RNF31: variants seen among roughly 807,000 people sequenced by gnomAD.
RNF31 encodes E3 ubiquitin-protein ligase RNF31.
A neutral mutation model predicts 133.6 loss-of-function variants in RNF31; 38 were observed. The observed-to-expected ratio is 0.28, with a 90% CI of 0.22 to 0.37. The LOEUF is 0.37. Ranked by LOEUF, RNF31 falls within the 10% of genes least tolerant of loss-of-function variation. RNF31 has a pLI of 1.00. For synonymous variants in RNF31, 582 were observed against 552.3 expected (o/e 1.05, Z -0.75); for missense variants, 1,118 against 1,394.1 (o/e 0.80, Z 3.15).
chr14:24,157,899 A>C lies in RNF31; in HGVS notation c.2729A>C (p.Lys910Thr). The C allele has an allele frequency of 6.2e-7, 1 of 1,613,564 alleles. No homozygotes were observed. The highest frequency in any genetic ancestry group is 8.5e-7 in the Non-Finnish European group (1 of 1,179,846). The change falls in exon 17 of 21, where the codon AAA becomes ACA. Residue 910 changes from lysine (K) to threonine (T), a missense_variant and splice_region_variant. Physicochemically the swap from Lys to Thr is moderately conservative, Grantham distance 78. This residue lies in a region of RNF31 where 201 missense variants were observed against 371.7 expected (regional missense o/e 0.54). Transcript: ENST00000324103. ...CTCTCCCATCTGGGTTTCTGCCAGA[A>C]ATGTCCAGAGCCTAACTGCAGGGTG... ...GCYNAFYAKNKCPEPNCRVKK... is the reference protein window; with the variant it reads ...GCYNAFYAKNTCPEPNCRVKK...
Position 24,148,852 on chromosome 14 carries a change from C to G in RNF31, c.607C>G (p.Pro203Ala). Residue 203 changes from proline to alanine, a missense_variant, in exon 5 of 21, where the codon CCC becomes GCC. This residue lies in a region of RNF31 where 747 missense variants were observed against 827.9 expected (regional missense o/e 0.90). Transcript: ENST00000324103. ...CCTATTGAGAGAGATTGCTCCTGGC[C>G]CCCTCACCACACCCTCTGTCCCAGG... ...DPLLREIAPG[P>A]LTTPSVPGST... The G allele has an allele frequency of 6.2e-7, 1 of 1,614,132 alleles. No individual in the cohort carries two copies. The highest frequency in any genetic ancestry group is 8.5e-7 in the Non-Finnish European group (1 of 1,179,986).
rs1319451727 is a variant in RNF31 at position 24,154,034 on chromosome 14, C to T, written c.2131-1123C>T. Among the ~76,000 whole-genome samples, 5 of 152,248 alleles carry T rather than the reference C, an allele frequency of 3.3e-5. No individual in the cohort carries two copies. The East Asian group carries it at 5.8e-4, about 18-fold the overall frequency. ...TTTTTGAGACGGAGTCTCGCTCTGT[C>T]GCCCTGGCTGGAGCGCAGTCGCGCA... On this transcript the variant is annotated intron_variant, in intron 11 of 20. Transcript: ENST00000324103.
chr14:24,151,471 C>A lies in RNF31; in HGVS notation c.1738-14C>A. 6.2e-7 allele frequency: 1 copy of A among 1,613,940 alleles called. No individual in the cohort carries two copies. Among genetic ancestry groups the A allele is most frequent in the Non-Finnish European group, 8.5e-7 (1 of 1,179,792 alleles). Reference sequence around the variant, plus strand: ...TTTCCCACTTCATTCCCCCTTGCCACTCCCATCTTGCAGGTGCAGGAGCTC... The same window carrying A: ...TTTCCCACTTCATTCCCCCTTGCCAATCCCATCTTGCAGGTGCAGGAGCTC... On this transcript the variant is annotated splice_polypyrimidine_tract_variant and intron_variant, in intron 9 of 20. Transcript: ENST00000324103. This position sits in a 1 kb window ranked among gnomAD's most constrained non-coding sequence, Gnocchi z 5.3.
In RNF31 at chr14:24,155,741, T is replaced by C. The variant is rs370944812; in HGVS notation, c.2493+49T>C. ...AAATACTTGCTGAGCTACTGCCAGGTACTGTGTTAGACTCAGGGGAGTTTG... is the reference window on the plus strand; with the variant it reads ...AAATACTTGCTGAGCTACTGCCAGGCACTGTGTTAGACTCAGGGGAGTTTG... On this transcript the variant is annotated intron_variant, in intron 14 of 20. Transcript: ENST00000324103. The surrounding 1 kb of genome is among the most constrained non-coding windows in gnomAD (Gnocchi z 4.9). 2 of 1,534,824 alleles carry C rather than the reference T, an allele frequency of 1.3e-6. No individual in the cohort carries two copies. Among genetic ancestry groups the C allele is most frequent in the African/African-American group, 2.7e-5 (2 of 73,456 alleles).
At position 24,151,815 on chromosome 14, in the gene RNF31, C is replaced by CCAAAGG; in HGVS notation, c.1953_1954insCAAAGG (p.Tyr651_Ala652insGlnArg). On this transcript the variant is annotated inframe_insertion, in exon 11 of 21. Coordinates refer to ENST00000324103, the MANE Select transcript of RNF31 (RefSeq NM_017999.5). This position sits in a 1 kb window ranked among gnomAD's most constrained non-coding sequence, Gnocchi z 5.3. ...TGGTCAGGCGGCTTTTGGCAGTCTA[C>CCAAAGG]GCACTCCCCAGCTGGGGCCGGGCAG... is the stretch of plus-strand genomic sequence containing the variant. The CCAAAGG allele has an allele frequency of 6.2e-7, 1 of 1,612,974 alleles. No individual in the cohort carries two copies.
Position 24,150,366 on chromosome 14 carries a change from T to C in RNF31, c.1115T>C (p.Ile372Thr). 2 of 1,614,000 alleles carry C rather than the reference T, an allele frequency of 1.2e-6. No individual in the cohort carries two copies. The change falls in exon 7 of 21, where the codon ATA becomes ACA. Residue 372 changes from isoleucine (I) to threonine (T), a missense_variant. Around this residue, in one of 3 missense-constraint regions of RNF31, gnomAD observed 747 missense variants for 827.9 expected, o/e 0.90. Transcript: ENST00000324103. ...GAGGCAGCTGCTGTGCTATGTTCCA[T>C]ATGTGAGCGACCTCGGCTGGCCCAG... ...ENEAAAVLCS[I>T]CERPRLAQPP... is the part of the protein sequence containing the mutation.
Position 24,151,861 on chromosome 14 carries a change from C to T in RNF31, c.1999C>T (p.Gln667Ter). 1.9e-6 allele frequency: 3 copies of T among 1,614,162 alleles called. No individual in the cohort carries two copies. The highest frequency in any genetic ancestry group is 2.5e-6 in the Non-Finnish European group (3 of 1,180,030). ...GGCAGAGCTGGCACTGTCACTGCTGCAGGAGACACCCAGGAACTATGAGTT... is the reference window on the plus strand; with the variant it reads ...GGCAGAGCTGGCACTGTCACTGCTGTAGGAGACACCCAGGAACTATGAGTT... Reference protein sequence around the residue: ...GRAELALSLLQETPRNYELGD... With the variant: ...GRAELALSLL Residue 667 changes from glutamine (Q) to a stop codon, truncating the protein, a stop_gained, in exon 11 of 21, where the codon CAG becomes TAG. Transcript: ENST00000324103. LOFTEE classifies it high-confidence loss of function. The surrounding 1 kb of genome is among the most constrained non-coding windows in gnomAD (Gnocchi z 5.3).
At chr14:24,159,454 C>T (rs2038407441) in intron 18 of RNF31, among the ~76,000 whole-genome samples, 1 of 151,512 alleles carries the variant, frequency 6.6e-6, no homozygotes, top group Non-Finnish European at 1.5e-5. Context: ...AAGAGGATTA[C>T]TTGAGCCCAG....
intron 11 of RNF31, among the ~76,000 whole-genome samples, chr14:24,152,238 A>AC (rs138921341): frequency 6.6e-6 from 1 of 151,338 alleles, no homozygotes; most frequent in African/African-American, 2.4e-5. Flanking sequence ...AAATTCCCAT[A>AC]CCCCCCTGCA....
chr14:24,154,609 C>T (rs994928244), intron 11 of RNF31, among the ~76,000 whole-genome samples: 20 of 152,170 alleles, frequency 1.3e-4, no homozygotes, highest in African/African-American at 4.8e-4. Flanking sequence ...AGTTATAGTA[C>T]AATATCAAGA....
At position 24,150,884 on chromosome 14, in the gene RNF31, TC is replaced by T; in HGVS notation, c.1486del (p.Arg496GlyfsTer78). Reference protein sequence around the residue: ...REEGLQLVSMIREGEAAGACP... With the variant: ...REEGLQLVSMXREGEAAGACP... ...GAAGGCCTCCAGCTAGTGAGCATGA[TC>T]CGGGTAAGGACTGGGCCTGCGATGA... is the stretch of plus-strand genomic sequence containing the variant. On this transcript the variant is annotated frameshift_variant, in exon 8 of 21. Coordinates refer to ENST00000324103, the MANE Select transcript of RNF31 (RefSeq NM_017999.5). LOFTEE classifies it high-confidence loss of function. 6.4e-7 allele frequency: 1 copy of T among 1,554,896 alleles called. No individual in the cohort carries two copies. Among genetic ancestry groups the T allele is most frequent in the Non-Finnish European group, 8.7e-7 (1 of 1,149,560 alleles).
At chr14:24,147,953 C>T (rs1033380129) in intron 1 of RNF31, 23 bp from the exon 2 acceptor site, 5 of 1,614,018 alleles carry the variant, frequency 3.1e-6, no homozygotes, top group African/African-American at 1.3e-5. Context: ...ACGCTCACAC[C>T]TCTCTGCTCT....
Position 24,151,037 on chromosome 14 carries a change from A to G in RNF31, c.1489-94A>G. On this transcript the variant is annotated intron_variant, in intron 8 of 20. Transcript: ENST00000324103. This position sits in a 1 kb window ranked among gnomAD's most constrained non-coding sequence, Gnocchi z 5.3. Reference sequence around the variant, plus strand: ...ACCATTGCTGTACACTGATGACATGATCCATATGTCTGAGCTGAGCCACTG... The same window carrying G: ...ACCATTGCTGTACACTGATGACATGGTCCATATGTCTGAGCTGAGCCACTG... 1 of 1,562,758 alleles carries G rather than the reference A, an allele frequency of 6.4e-7. No homozygotes were observed. The highest frequency in any genetic ancestry group is 1.3e-5 in the African/African-American group (1 of 74,162).
Position 24,151,814 on chromosome 14 carries a change from A to G in RNF31, c.1952A>G (p.Tyr651Cys), listed in dbSNP as rs1426181801. The part of the protein sequence containing the change: ...QSLVRRLLAV[Y>C]ALPSWGRAEL... ...CTGGTCAGGCGGCTTTTGGCAGTCT[A>G]CGCACTCCCCAGCTGGGGCCGGGCA... Residue 651 changes from tyrosine to cysteine, a missense_variant, in exon 11 of 21, where the codon TAC becomes TGC. Transcript: ENST00000324103. The surrounding 1 kb of genome is among the most constrained non-coding windows in gnomAD (Gnocchi z 5.3). 1 of 1,613,182 alleles carries G rather than the reference A, an allele frequency of 6.2e-7. No individual in the cohort carries two copies. Among genetic ancestry groups the G allele is most frequent in the East Asian group, 2.2e-5 (1 of 44,868 alleles).
chr14:24,153,279 C>G (rs1471772932), intron 11 of RNF31, among the ~76,000 whole-genome samples: 2 of 151,468 alleles, frequency 1.3e-5, no homozygotes, highest in East Asian at 3.9e-4. Context: ...ACTCCCATCT[C>G]TAAAAAAATA....
intron 6 of RNF31, among the ~76,000 whole-genome samples, chr14:24,149,787 A>C (rs1397620967): frequency 3.3e-5 from 5 of 152,250 alleles, no homozygotes; most frequent in Admixed American, 3.3e-4. Context: ...GGTGGTTTGC[A>C]ACCTAGTCTG....
intron 18 of RNF31, 93 bp from the exon 19 acceptor site, chr14:24,159,771 G>C: frequency 1.0e-6 from 1 of 987,572 alleles, no homozygotes; most frequent in Non-Finnish European, 1.6e-6. Flanking sequence ...CCCTTCCTTG[G>C]AGGCTGCCTT....
rs766966685 is a variant in RNF31 at position 24,151,833 on chromosome 14, C to T, written c.1971C>T (p.Gly657=). The T allele has an allele frequency of 6.2e-7, 1 of 1,613,754 alleles. No individual in the cohort carries two copies. The highest frequency in any genetic ancestry group is 8.5e-7 in the Non-Finnish European group (1 of 1,179,848). The change falls in exon 11 of 21, where the codon GGC becomes GGT. Residue 657 remains glycine (G), a synonymous_variant. Transcript: ENST00000324103. This position sits in a 1 kb window ranked among gnomAD's most constrained non-coding sequence, Gnocchi z 5.3. ...LLAVYALPSW[G]RAELALSLLQ... ...CAGTCTACGCACTCCCCAGCTGGGGCCGGGCAGAGCTGGCACTGTCACTGC... is the reference window on the plus strand; with the variant it reads ...CAGTCTACGCACTCCCCAGCTGGGGTCGGGCAGAGCTGGCACTGTCACTGC...
Position 24,160,401 on chromosome 14 carries a change from G to C in RNF31, c.3159G>C (p.Leu1053Phe). 2 of 1,614,050 alleles carry C rather than the reference G, an allele frequency of 1.2e-6. No individual in the cohort carries two copies. The highest frequency in any genetic ancestry group is 1.7e-6 in the Non-Finnish European group (2 of 1,179,946). The change falls in exon 20 of 21, where the codon TTG becomes TTC. Residue 1053 changes from leucine (L) to phenylalanine (F), a missense_variant. Physicochemically the swap from Leu to Phe is conservative, Grantham distance 22. Transcript: ENST00000324103. This position sits in a 1 kb window ranked among gnomAD's most constrained non-coding sequence, Gnocchi z 4.0. Reference protein sequence around the residue: ...GEDPPAYQARLLQKLTEEVPL... With the variant: ...GEDPPAYQARFLQKLTEEVPL... ...ATCCCCCTGCTTACCAGGCCCGCTT[G>C]TTACAGGTATAGCCTCCACCCAGCC...
Sources: gnomAD v4.1 joint callset for allele counts (sites outside exome capture counted in the v4.1 genomes callset) on GRCh38, gnomAD v4.1.1 for gene constraint, gnomAD v4.1.1 regional missense constraint, Gnocchi (gnomAD v3.1) non-coding constraint, MANE v1.5 for transcripts, NCBI Gene and HGNC (gene_info 2026-07-23, HGNC 2026-07-21) for gene names.